The following CCM2 variants were observed in gnomAD, a reference collection of about 807,000 sequenced individuals.
The protein encoded by CCM2 is CCM2 scaffold protein, also known as cerebral cavernous malformations 2 protein.
CCM2 carries 25 observed loss-of-function variants against 44.9 expected under a neutral mutation model. That is an observed-to-expected ratio of 0.56 (90% CI 0.41 to 0.78). The LOEUF is 0.78. Ranked by LOEUF, CCM2 falls within the 30% of genes least tolerant of loss-of-function variation. The probability of loss-of-function intolerance (pLI) is 0.00; values close to 1 mark genes in which losing one functional copy is unlikely to be tolerated. For synonymous variants in CCM2, 219 were observed against 241.1 expected (o/e 0.91, Z 0.85); for missense variants, 481 against 580.6 (o/e 0.83, Z 1.76).
chr7:45,043,192 C>G (rs1797594587), intron 2 of CCM2, among the ~76,000 whole-genome samples: 1 of 152,054 alleles, frequency 6.6e-6, no homozygotes, highest in Admixed American at 6.6e-5. Context: ...CTGTCTTGAA[C>G]TCCTAGACTC....
chr7:45,016,739 T>C (rs1461583963), intron 1 of CCM2, among the ~76,000 whole-genome samples: 2 of 151,772 alleles, frequency 1.3e-5, no homozygotes, highest in African/African-American at 2.4e-5. Context: ...TTCAAGCGAT[T>C]CTCCTGCCTC....
chr7:45,013,915 T>C (rs1178337451), intron 1 of CCM2, among the ~76,000 whole-genome samples: 1 of 152,182 alleles, frequency 6.6e-6, no homozygotes, highest in East Asian at 1.9e-4. Flanking sequence ...TCAGGGAAAA[T>C]AATGTCGATT....
intron 1 of CCM2, 65 bp downstream of exon 1, chr7:45,000,428 G>A (rs1795547955): frequency 2.6e-6 from 1 of 384,006 alleles, no homozygotes; most frequent in Non-Finnish European, 4.2e-6. Context: ...GGGCCAGGGT[G>A]GGGTGGGCGG....
chr7:45,058,582 T>G (rs1483856320), intron 2 of CCM2, among the ~76,000 whole-genome samples: 1 of 151,486 alleles, frequency 6.6e-6, no homozygotes, highest in East Asian at 1.9e-4. Context: ...TGTTTTTTTG[T>G]CCTTGCGATA....
chr7:45,059,181 C>T (rs890817188), intron 2 of CCM2, among the ~76,000 whole-genome samples: 18 of 152,238 alleles, frequency 1.2e-4, no homozygotes, highest in Admixed American at 3.3e-4. Context: ...GCCCCCGCTA[C>T]GATTGATATT....
At chr7:45,031,649 C>G (rs1796976253) in intron 1 of CCM2, among the ~76,000 whole-genome samples, 1 of 152,082 alleles carries the variant, frequency 6.6e-6, no homozygotes, top group African/African-American at 2.4e-5. Flanking sequence ...CCTTGACTTC[C>G]TAGGCTCAAG....
chr7:45,020,337 T>C (rs1461561476), intron 1 of CCM2, among the ~76,000 whole-genome samples: 1 of 152,220 alleles, frequency 6.6e-6, no homozygotes, highest in East Asian at 1.9e-4. Flanking sequence ...TCTACTTCTC[T>C]CTTAAGGGAA....
At chr7:45,028,164 A>G (rs895478372) in intron 1 of CCM2, among the ~76,000 whole-genome samples, 1 of 152,190 alleles carries the variant, frequency 6.6e-6, no homozygotes, top group Admixed American at 6.5e-5. Context: ...AAAATGATGT[A>G]GGGAGATGGC....
intron 1 of CCM2, among the ~76,000 whole-genome samples, chr7:45,002,699 C>T (rs1795690323): frequency 6.6e-6 from 1 of 152,108 alleles, no homozygotes; most frequent in Non-Finnish European, 1.5e-5. Context: ...CACCTCAGCA[C>T]ATGTGGTGAT....
At chr7:45,023,800 T>TTTTTTG (rs1796578371) in intron 1 of CCM2, among the ~76,000 whole-genome samples, 1 of 127,394 alleles carries the variant, frequency 7.8e-6, no homozygotes, top group African/African-American at 2.9e-5. Flanking sequence ...TTTTTTTTTT[T>TTTTTTG]TTTTTTTTTT....
rs546469328 is a variant in CCM2 at position 45,055,411 on chromosome 7, G to A, written c.205-8507G>A. ...ATATACATAAGATTTATTATCGGCC[G>A]GGCCCGGTGGCTCATGCCTGTAATC... On this transcript the variant is annotated intron_variant, in intron 2 of 9. Transcript: ENST00000258781. 2.0e-5 allele frequency among the ~76,000 whole-genome samples: 3 copies of A among 152,210 alleles called. No individual in the cohort carries two copies. The East Asian group carries it at 5.8e-4, about 29-fold the overall frequency.
At chr7:45,049,838 G>T (rs1244606494) in intron 2 of CCM2, among the ~76,000 whole-genome samples, 2 of 152,044 alleles carry the variant, frequency 1.3e-5, no homozygotes, top group South Asian at 2.1e-4. Context: ...GCAACTGTGG[G>T]TTGAAAGTAT....
chr7:45,003,720 TC>T (rs1795736101), intron 1 of CCM2, among the ~76,000 whole-genome samples: 1 of 100,560 alleles, frequency 9.9e-6, no homozygotes, highest in African/African-American at 4.0e-5. Flanking sequence ...AGGGCAAGAC[TC>T]CATCTCCAAA....
chr7:45,009,728 T>C (rs966078056), intron 1 of CCM2, among the ~76,000 whole-genome samples: 12 of 152,156 alleles, frequency 7.9e-5, no homozygotes, highest in Non-Finnish European at 1.8e-4. Context: ...TTATCCCATA[T>C]CTAGCATTTG....
rs59435094 is a variant in CCM2 at position 45,008,356 on chromosome 7, CTTTTTTTTTTTTTTTT to C, written c.30+8005_30+8020del. ...CCGTGCCTGGCCAAGGGTACATGTTCTTTTTTTTTTTTTTTTTTTTTTTTTTTGAGACAGTTTTGCT... is the reference window on the plus strand; with the variant it reads ...CCGTGCCTGGCCAAGGGTACATGTTCTTTTTTTTTTTGAGACAGTTTTGCT... On this transcript the variant is annotated intron_variant, in intron 1 of 9. Transcript: ENST00000258781. Among the ~76,000 whole-genome samples, 87 of 114,782 alleles carry C rather than the reference CTTTTTTTTTTTTTTTT, an allele frequency of 7.6e-4. 1 individual carries two copies. The South Asian group carries it at 0.016, about 21-fold the overall frequency. 75.3% of individuals were successfully genotyped at this position (114,782 alleles called of 152,430 possible). A position where few individuals can be genotyped will look rare whatever the true frequency, so the allele number is the denominator to read the frequency against.
rs115614317 is a variant in CCM2 at position 45,009,758 on chromosome 7, A to G, written c.30+9395A>G. Among the ~76,000 whole-genome samples the G allele has an allele frequency of 5.3e-3, 813 of 152,210 alleles. 8 individuals are homozygous for G. The highest frequency in any genetic ancestry group is 0.019 in the African/African-American group (769 of 41,542). On this transcript the variant is annotated intron_variant, in intron 1 of 9. Transcript: ENST00000258781. Reference sequence around the variant, plus strand: ...CATTTGTTTATCACTGTACCTGCCCATCAACTCATTTTATTTTTCTGATGC... The same window carrying G: ...CATTTGTTTATCACTGTACCTGCCCGTCAACTCATTTTATTTTTCTGATGC...
intron 2 of CCM2, among the ~76,000 whole-genome samples, chr7:45,058,946 T>C (rs1798397899): frequency 6.6e-6 from 1 of 150,996 alleles, no homozygotes; most frequent in Non-Finnish European, 1.5e-5. Flanking sequence ...GGTTTTGCCA[T>C]GTTGGCCAGG....
chr7:45,021,270 AAAT>A (rs1796469866), intron 1 of CCM2, among the ~76,000 whole-genome samples: 1 of 152,076 alleles, frequency 6.6e-6, no homozygotes, highest in African/African-American at 2.4e-5. Context: ...AAAATAAAAA[AAAT>A]AATAAATAGG....
chr7:45,064,142 A>T, intron 3 of CCM2, 141 bp downstream of exon 3: 1 of 658,092 alleles, frequency 1.5e-6, no homozygotes. Flanking sequence ...CATAAAGACT[A>T]TTCCTTAGTA....
Sources: gnomAD v4.1 joint callset for allele counts (sites outside exome capture counted in the v4.1 genomes callset) on GRCh38, gnomAD v4.1.1 for gene constraint, MANE v1.5 for transcripts, NCBI Gene and HGNC (gene_info 2026-07-23, HGNC 2026-07-21) for gene names.